The following SLC25A24 variants were observed in gnomAD, a reference collection of about 807,000 sequenced individuals.
SLC25A24 encodes solute carrier family 25 member 24.
A neutral mutation model predicts 60.7 loss-of-function variants in SLC25A24; 49 were observed. The observed-to-expected ratio is 0.81, with a 90% confidence interval of 0.64 to 1.02. The LOEUF (loss-of-function observed/expected upper bound fraction) is 1.02, where lower values mean the gene tolerates loss of function less well. Among genes scored for constraint, SLC25A24 ranks in the 50% least tolerant of loss-of-function variants. SLC25A24 has a pLI of 0.00. For missense variants in SLC25A24, 564 were observed against 586.3 expected (o/e 0.96, Z 0.39); for synonymous variants, 202 against 200.6 (o/e 1.01, Z -0.06).
At chr1:108,178,954 G>T (rs1157603613) in intron 3 of SLC25A24, among the ~76,000 whole-genome samples, 2 of 151,414 alleles carry the variant, frequency 1.3e-5, no homozygotes, top group African/African-American at 2.4e-5. Context: ...TTCCTGAGAT[G>T]AAAAAAAATG....
chr1:108,164,637 T>C (rs1680191000), intron 3 of SLC25A24, among the ~76,000 whole-genome samples: 1 of 149,924 alleles, frequency 6.7e-6, no homozygotes. Context: ...TTGGTGGTGA[T>C]ATCCCCTTTA....
chr1:108,171,978 T>C (rs1437007620), intron 3 of SLC25A24, among the ~76,000 whole-genome samples: 1 of 152,134 alleles, frequency 6.6e-6, no homozygotes, highest in Non-Finnish European at 1.5e-5. Flanking sequence ...TTACAAACCA[T>C]AAGTGCCATG....
intron 3 of SLC25A24, among the ~76,000 whole-genome samples, chr1:108,173,236 T>C (rs1647526144): frequency 1.3e-5 from 2 of 152,294 alleles, no homozygotes; most frequent in East Asian, 3.9e-4. Flanking sequence ...GTTCCCATAA[T>C]TTCCATGTGT....
At chr1:108,140,076 TA>T (rs1679404299) in intron 8 of SLC25A24, among the ~76,000 whole-genome samples, 1 of 152,166 alleles carries the variant, frequency 6.6e-6, no homozygotes, top group African/African-American at 2.4e-5. Flanking sequence ...ACTTTAAGTA[TA>T]AAATACATGT....
rs1305474971 is a variant in SLC25A24, at chr1:108,135,895, A to G, written c.*758T>C. The stretch of plus-strand genomic sequence containing the variant: ...AAGATGCTCTGCAGAAGCTGATACA[A>G]GTCAAAGGATTTCGTTTCCTGCTGC... On this transcript the variant is annotated 3_prime_UTR_variant, in exon 10 of 10. Transcript: ENST00000565488. The G allele has an allele frequency of 6.6e-6, 1 of 152,436 alleles. No homozygotes were observed. Among genetic ancestry groups the G allele is most frequent in the African/African-American group, 2.4e-5 (1 of 41,484 alleles). 9.4% of individuals were successfully genotyped at this position (152,436 alleles called of 1,614,324 possible).
chr1:108,179,680 A>G (rs1647844051), intron 3 of SLC25A24, among the ~76,000 whole-genome samples: 1 of 152,250 alleles, frequency 6.6e-6, no homozygotes, highest in African/African-American at 2.4e-5. Context: ...GGAATCAGAA[A>G]AAGTTAATCT....
intron 3 of SLC25A24, among the ~76,000 whole-genome samples, chr1:108,168,428 A>C (rs1647304273): frequency 1.3e-5 from 2 of 152,184 alleles, no homozygotes; most frequent in African/African-American, 4.8e-5. Flanking sequence ...AATTTCATTC[A>C]AAGTTATAAC....
Position 108,156,302 on chromosome 1 carries a change from G to A in SLC25A24, c.669+1160C>T, listed in dbSNP as rs146318784. 2.8e-4 allele frequency among the ~76,000 whole-genome samples: 42 copies of A among 152,310 alleles called. No individual in the cohort carries two copies. The East Asian group carries it at 7.5e-3, about 27-fold the overall frequency. On this transcript the variant is annotated intron_variant, in intron 5 of 9. Coordinates refer to ENST00000565488, the MANE Select transcript of SLC25A24 (RefSeq NM_013386.5). Reference sequence around the variant, plus strand: ...TTCTAGAGAAGTATCAAACCTGAAGGTTGACTTTGGAAACTCCTCAAATTT... The same window carrying A: ...TTCTAGAGAAGTATCAAACCTGAAGATTGACTTTGGAAACTCCTCAAATTT...
At chr1:108,147,785 C>T (rs1014043571) in intron 7 of SLC25A24, among the ~76,000 whole-genome samples, 15 of 152,056 alleles carry the variant, frequency 9.9e-5, no homozygotes, top group African/African-American at 3.1e-4. Context: ...TATTTGTCTC[C>T]GGTTATTAAC....
At chr1:108,155,242 T>C (rs1679865334) in intron 5 of SLC25A24, 107 bp from the exon 6 acceptor site, 1 of 964,116 alleles carries the variant, frequency 1.0e-6, no homozygotes, top group African/African-American at 1.7e-5. Flanking sequence ...TGCAAGAAGA[T>C]ATATTTGAAA....
intron 3 of SLC25A24, among the ~76,000 whole-genome samples, chr1:108,161,828 GGGTAC>G (rs1680093003): frequency 1.3e-5 from 2 of 151,730 alleles, no homozygotes; most frequent in Admixed American, 6.6e-5. Flanking sequence ...TTAAGTTTTA[GGGTAC>G]ATGTGCACAA....
At chr1:108,197,033 T>G (rs1648518619) in intron 1 of SLC25A24, among the ~76,000 whole-genome samples, 1 of 152,190 alleles carries the variant, frequency 6.6e-6, no homozygotes, top group South Asian at 2.1e-4. Flanking sequence ...TTTCTCTAAT[T>G]TTTAACTTTA....
At chr1:108,154,933 C>T (rs1462169156) in intron 6 of SLC25A24, 50 bp downstream of exon 6, 5 of 1,390,610 alleles carry the variant, frequency 3.6e-6, no homozygotes, top group Middle Eastern at 1.8e-4. Context: ...TTATTGAATC[C>T]GTTTACTAAC....
chr1:108,171,235 A>G (rs1204849284), intron 3 of SLC25A24, among the ~76,000 whole-genome samples: 2 of 152,096 alleles, frequency 1.3e-5, no homozygotes, highest in Non-Finnish European at 2.9e-5. Flanking sequence ...TACCACATAT[A>G]TATAACAAAG....
In SLC25A24 at chr1:108,192,545, T is replaced by C. The variant is rs367936413; in HGVS notation, c.184-6591A>G. ...GGCCCCTACATCCTCCAGGCCTTCC[T>C]GAAGCTCAAAAATGTCCAAGGTCCC... On this transcript the variant is annotated intron_variant, in intron 1 of 9. Transcript: ENST00000565488. 22 of 1,499,364 alleles carry C rather than the reference T, an allele frequency of 1.5e-5. 3 individuals are homozygous for C. Among genetic ancestry groups the C allele is most frequent in the Non-Finnish European group, 2.0e-5 (22 of 1,114,316 alleles). 92.9% of individuals were successfully genotyped at this position (1,499,364 alleles called of 1,614,324 possible). A position where few individuals can be genotyped will look rare whatever the true frequency, so the allele number is the denominator to read the frequency against.
intron 6 of SLC25A24, among the ~76,000 whole-genome samples, chr1:108,150,493 T>C (rs573030380): frequency 6.6e-6 from 1 of 152,310 alleles, no homozygotes; most frequent in African/African-American, 2.4e-5. Context: ...TCCCATTTGT[T>C]AGACTAACCA....
chr1:108,182,510 G>A (rs1488444855), intron 2 of SLC25A24, among the ~76,000 whole-genome samples: 1 of 120,744 alleles, frequency 8.3e-6, no homozygotes, highest in Admixed American at 8.0e-5. Context: ...AGGAAATAGA[G>A]CTAAAGCACA....
At position 108,185,942 on chromosome 1, in the gene SLC25A24, TA is replaced by T; in HGVS notation, c.195del (p.Thr66LeufsTer16). 6.3e-7 allele frequency: 1 copy of T among 1,582,456 alleles called. No individual in the cohort carries two copies. Among genetic ancestry groups the T allele is most frequent in the South Asian group, 1.2e-5 (1 of 84,898 alleles). On this transcript the variant is annotated frameshift_variant, in exon 2 of 10. Transcript: ENST00000565488. LOFTEE classifies it high-confidence loss of function. ...TTCCCATCTTTGTTGACATCTCCAG[TA>T]GTAAAAATTTTCTATAAAAAAAAAT... ...LGQDAEEKIFTTGDVNKDGKL... is the reference protein window; with the variant it reads ...LGQDAEEKIFXTGDVNKDGKL...
chr1:108,163,566 G>T (rs974330335), intron 3 of SLC25A24, among the ~76,000 whole-genome samples: 1 of 152,006 alleles, frequency 6.6e-6, no homozygotes, highest in Admixed American at 6.6e-5. Flanking sequence ...AATTGTGAAC[G>T]GGAGTTCACT....
Sources: gnomAD v4.1 joint callset for allele counts (sites outside exome capture counted in the v4.1 genomes callset) on GRCh38, gnomAD v4.1.1 for gene constraint, MANE v1.5 for transcripts, NCBI Gene and HGNC (gene_info 2026-07-23, HGNC 2026-07-21) for gene names.